ZFYVE9: variants seen among roughly 807,000 people sequenced by gnomAD.
The protein encoded by ZFYVE9 is zinc finger FYVE-type containing 9.
ZFYVE9 carries 43 observed loss-of-function variants against 126.7 expected under a neutral mutation model. That is an observed-to-expected ratio of 0.34 (90% CI 0.27 to 0.44). The LOEUF (loss-of-function observed/expected upper bound fraction) is 0.44, where lower values mean the gene tolerates loss of function less well. ZFYVE9 is among the 20% of genes least tolerant of loss of function. The pLI, the probability that ZFYVE9 is intolerant of heterozygous loss-of-function variation, is 1.00. For synonymous variants in ZFYVE9, 521 were observed against 597.4 expected (o/e 0.87, Z 1.87); for missense variants, 1,476 against 1,697.0 (o/e 0.87, Z 2.29).
chr1:52,277,521 A>T (rs1199088809), intron 8 of ZFYVE9, among the ~76,000 whole-genome samples: 4 of 152,290 alleles, frequency 2.6e-5, no homozygotes, highest in African/African-American at 4.8e-5. Context: ...AAAATTTTAA[A>T]CTCAGGATTT....
At chr1:52,262,788 C>T (rs1645591751) in intron 4 of ZFYVE9, among the ~76,000 whole-genome samples, 1 of 152,014 alleles carries the variant, frequency 6.6e-6, no homozygotes, top group Non-Finnish European at 1.5e-5. Flanking sequence ...GAAAATAAAT[C>T]TGGCCGGGTG....
intron 2 of ZFYVE9, among the ~76,000 whole-genome samples, chr1:52,224,959 C>T (rs1455330710): frequency 2.0e-5 from 3 of 152,190 alleles, no homozygotes; most frequent in East Asian, 3.9e-4. Context: ...TTTTAGGTTC[C>T]TCTTAGTATT....
At chr1:52,160,525 GC>G in intron 1 of ZFYVE9, 1 of 778,232 alleles carries the variant, frequency 1.3e-6, no homozygotes, top group South Asian at 1.4e-5. Flanking sequence ...CCACGCTGAT[GC>G]CCCAGCCCTT....
chr1:52,257,590 C>A lies in ZFYVE9; in HGVS notation c.2179-6183C>A, dbSNP rs577382673. 4.6e-4 allele frequency among the ~76,000 whole-genome samples: 70 copies of A among 152,268 alleles called. No individual in the cohort carries two copies. In the Middle Eastern group the frequency reaches 0.017, roughly 37 times the overall value. On this transcript the variant is annotated intron_variant, in intron 4 of 18. Transcript: ENST00000287727. Reference sequence around the variant, plus strand: ...CCATTAGGCATAAAAATCTTGAGGTCATTCTTATAAACAGATTAAAATGTG... The same window carrying A: ...CCATTAGGCATAAAAATCTTGAGGTAATTCTTATAAACAGATTAAAATGTG...
intron 7 of ZFYVE9, among the ~76,000 whole-genome samples, chr1:52,272,460 C>G (rs986793307): frequency 6.6e-6 from 1 of 152,134 alleles, no homozygotes; most frequent in African/African-American, 2.4e-5. Context: ...TCATATAAAT[C>G]CAAACAATAG....
chr1:52,164,690 C>T (rs988222423), intron 1 of ZFYVE9, among the ~76,000 whole-genome samples: 1 of 152,144 alleles, frequency 6.6e-6, no homozygotes, highest in African/African-American at 2.4e-5. Context: ...TGCAGACATG[C>T]ACTAGACCAA....
chr1:52,251,379 G>C (rs537667461), intron 4 of ZFYVE9, among the ~76,000 whole-genome samples: 1 of 151,746 alleles, frequency 6.6e-6, no homozygotes, highest in African/African-American at 2.4e-5. Context: ...CTGTTACTAG[G>C]GTTTTTTAAA....
At chr1:52,331,612 C>T (rs1372023725) in intron 13 of ZFYVE9, among the ~76,000 whole-genome samples, 4 of 151,018 alleles carry the variant, frequency 2.6e-5, no homozygotes, top group East Asian at 2.0e-4. Context: ...ATTAGCTGGG[C>T]GTGGTAGCAG....
chr1:52,202,104 TCTC>T (rs1211734622), intron 1 of ZFYVE9, among the ~76,000 whole-genome samples: 3 of 152,140 alleles, frequency 2.0e-5, no homozygotes, highest in Non-Finnish European at 4.4e-5. Context: ...ATTGATATAA[TCTC>T]CTTCACTTTT....
intron 14 of ZFYVE9, 139 bp from the exon 15 acceptor site, chr1:52,334,549 T>C (rs2147871692): frequency 2.7e-6 from 2 of 752,226 alleles, no homozygotes; most frequent in Non-Finnish European, 4.3e-6. Context: ...TACATGTTTA[T>C]TGTGGAATAT....
At chr1:52,344,637 T>A in intron 17 of ZFYVE9, 131 bp from the exon 18 acceptor site, 1 of 926,822 alleles carries the variant, frequency 1.1e-6, no homozygotes, top group Non-Finnish European at 1.6e-6. Context: ...GACCAGGGAC[T>A]TTATGGTGTC....
chr1:52,214,021 C>T (rs1008255549), intron 1 of ZFYVE9, among the ~76,000 whole-genome samples: 4 of 152,042 alleles, frequency 2.6e-5, no homozygotes, highest in Admixed American at 6.5e-5. Flanking sequence ...CTGCAGGGGT[C>T]TAGAAGTTTA....
chr1:52,181,604 C>G (rs1000619196), intron 1 of ZFYVE9, among the ~76,000 whole-genome samples: 20 of 151,676 alleles, frequency 1.3e-4, no homozygotes, highest in Non-Finnish European at 2.7e-4. Flanking sequence ...TGAGGAGCGT[C>G]TCTGCCCGCC....
chr1:52,196,134 ATTGT>A (rs1490937130), intron 1 of ZFYVE9, among the ~76,000 whole-genome samples: 2 of 152,006 alleles, frequency 1.3e-5, no homozygotes, highest in Admixed American at 6.6e-5. Flanking sequence ...GCTCCCATAC[ATTGT>A]TTGTCATTGA....
chr1:52,154,156 T>G (rs994144730), intron 1 of ZFYVE9, among the ~76,000 whole-genome samples: 1 of 152,238 alleles, frequency 6.6e-6, no homozygotes, highest in African/African-American at 2.4e-5. Flanking sequence ...TGTATAAGTC[T>G]ATATTTAGTG....
chr1:52,202,372 C>T (rs939681595), intron 1 of ZFYVE9, among the ~76,000 whole-genome samples: 4 of 152,100 alleles, frequency 2.6e-5, no homozygotes, highest in African/African-American at 9.7e-5. Flanking sequence ...CTCCACCTCC[C>T]AGGCTCAAAT....
intron 1 of ZFYVE9, among the ~76,000 whole-genome samples, chr1:52,200,132 CTT>C (rs1370051190): frequency 6.6e-6 from 1 of 151,266 alleles, no homozygotes; most frequent in Non-Finnish European, 1.5e-5. Context: ...TGTGGCTTGT[CTT>C]TTCATCCTCT....
rs535392678 is a variant in ZFYVE9 at position 52,143,297 on chromosome 1, A to T, written c.-143+894A>T. 2.6e-4 allele frequency among the ~76,000 whole-genome samples: 39 copies of T among 152,362 alleles called. No homozygotes were observed. The South Asian group carries it at 5.4e-3, about 21-fold the overall frequency. ...GGAAATGGGATACATGCTAAATTTTAGAAATAAAATGATTTGTTCTGATAT... is the reference window on the plus strand; with the variant it reads ...GGAAATGGGATACATGCTAAATTTTTGAAATAAAATGATTTGTTCTGATAT... On this transcript the variant is annotated intron_variant, in intron 1 of 18. Coordinates refer to ENST00000287727, the MANE Select transcript of ZFYVE9 (RefSeq NM_004799.4).
chr1:52,170,281 A>G lies in ZFYVE9; in HGVS notation c.-143+27878A>G, dbSNP rs150430452. On this transcript the variant is annotated intron_variant, in intron 1 of 18. Transcript: ENST00000287727. ...ATATAGTTTTTCATAGTAGCCACTCATGATCCTTTGAATTTCTTGGTATCA... is the reference window on the plus strand; with the variant it reads ...ATATAGTTTTTCATAGTAGCCACTCGTGATCCTTTGAATTTCTTGGTATCA... 2.3e-3 allele frequency among the ~76,000 whole-genome samples: 351 copies of G among 152,240 alleles called. 1 individual carries two copies. Among genetic ancestry groups the G allele is most frequent in the African/African-American group, 8.0e-3 (334 of 41,570 alleles).
Sources: allele counts gnomAD v4.1 joint callset (sites outside exome capture counted in the v4.1 genomes callset), GRCh38; gene constraint gnomAD v4.1.1; transcripts MANE v1.5; gene names NCBI Gene and HGNC (gene_info 2026-07-23, HGNC 2026-07-21).